The following LAMB4 variants were observed in gnomAD, a reference collection of about 807,000 sequenced individuals.
LAMB4 encodes laminin subunit beta-4.
A neutral mutation model predicts 199.2 loss-of-function variants in LAMB4; 196 were observed. That is an observed-to-expected ratio of 0.98 (90% CI 0.88 to 1.11). LAMB4 has a LOEUF of 1.11. Among genes scored for constraint, LAMB4 ranks in the 50% least tolerant of loss-of-function variants. The probability of loss-of-function intolerance (pLI) is 0.00; values close to 1 mark genes in which losing one functional copy is unlikely to be tolerated. For synonymous variants in LAMB4, 744 were observed against 770.6 expected (o/e 0.97, Z 0.57); for missense variants, 2,080 against 2,171.2 (o/e 0.96, Z 0.83).
Position 108,079,658 on chromosome 7 carries a change from A to C in LAMB4, c.1830T>G (p.Ala610=), listed in dbSNP as rs753838955. Residue 610 remains alanine (A), a synonymous_variant, in exon 15 of 34, where the codon GCT becomes GCG. Coordinates refer to ENST00000388781, the MANE Select transcript of LAMB4 (RefSeq NM_007356.3). ...CCACAGGAAAGGGAATGTTGTTGACAGCAAATCTCAAGCCAGCCCCAGGGA... is the reference window on the plus strand; with the variant it reads ...CCACAGGAAAGGGAATGTTGTTGACCGCAAATCTCAAGCCAGCCCCAGGGA... ...RVLPGAGLRF[A]VNNIPFPVDF... is the part of the protein sequence containing the mutation. 6.2e-7 allele frequency: 1 copy of C among 1,613,326 alleles called. No individual in the cohort carries two copies. Among genetic ancestry groups the C allele is most frequent in the South Asian group, 1.1e-5 (1 of 90,732 alleles).
At position 108,029,175 on chromosome 7, in the gene LAMB4, GT is replaced by G; in HGVS notation, c.5013del (p.Lys1671AsnfsTer15). 6.2e-7 allele frequency: 1 copy of G among 1,611,554 alleles called. No homozygotes were observed. The highest frequency in any genetic ancestry group is 8.5e-7 in the Non-Finnish European group (1 of 1,179,354). ...GTCTTACGTTGGAGAATAGCATATT[GT>G]TTTTTCAGCTCAACAAATTCCTGTA... ...SLEKEFVELK[K>X]QYAILQRKTS... is the part of the protein sequence containing the mutation. On this transcript the variant is annotated frameshift_variant, in exon 33 of 34. Transcript: ENST00000388781. LOFTEE classifies it high-confidence loss of function.
Position 108,050,900 on chromosome 7 carries a change from G to A in LAMB4, c.3916+1197C>T, listed in dbSNP as rs141086192. 2.9e-3 allele frequency among the ~76,000 whole-genome samples: 442 copies of A among 152,276 alleles called. 1 individual carries two copies. Among genetic ancestry groups the A allele is most frequent in the Non-Finnish European group, 4.3e-3 (291 of 68,014 alleles). On this transcript the variant is annotated intron_variant, in intron 26 of 33. Coordinates refer to ENST00000388781, the MANE Select transcript of LAMB4 (RefSeq NM_007356.3). ...TCTGTTTTTGAAGCAGCTTGAAGAT[G>A]CTCTAACAGTCTTAATGCTGTTTGC...
chr7:108,072,577 G>A (rs1159078648), intron 17 of LAMB4, among the ~76,000 whole-genome samples: 2 of 152,126 alleles, frequency 1.3e-5, no homozygotes, highest in South Asian at 2.1e-4. Context: ...GAACCACTGC[G>A]AGAGTCATGC....
At chr7:108,054,758 C>A (rs2035927118) in intron 25 of LAMB4, among the ~76,000 whole-genome samples, 2 of 152,152 alleles carry the variant, frequency 1.3e-5, no homozygotes, top group South Asian at 2.1e-4. Context: ...TCCAAGGAAA[C>A]TTTATTTACA....
chr7:108,030,929 C>T lies in LAMB4; in HGVS notation c.4869G>A (p.Gln1623=), dbSNP rs777359454. The change falls in exon 32 of 34, where the codon CAG becomes CAA. Residue 1623 remains glutamine (Q), a synonymous_variant. Coordinates refer to ENST00000388781, the MANE Select transcript of LAMB4 (RefSeq NM_007356.3). ...EMKSELELAK[Q]RSGLEDGLSL... is the part of the protein sequence containing the mutation. ...AAAGTCCATCCTCCAGCCCTGATCG[C>T]TGCTTTGCTAACTCCAGCTCACTCT... The T allele has an allele frequency of 1.2e-5, 20 of 1,614,086 alleles. No homozygotes were observed. The highest frequency in any genetic ancestry group is 1.6e-4 in the Middle Eastern group (1 of 6,062).
At position 108,104,602 on chromosome 7, in the gene LAMB4, C is replaced by T. The variant is rs1294954006; in HGVS notation, c.888G>A (p.Val296=). 4 of 1,614,042 alleles carry T rather than the reference C, an allele frequency of 2.5e-6. No homozygotes were observed. The highest frequency in any genetic ancestry group is 3.4e-6 in the Non-Finnish European group (4 of 1,180,032). The change falls in exon 9 of 34, where the codon GTG becomes GTA. Residue 296 remains valine (V), a synonymous_variant. Coordinates refer to ENST00000388781, the MANE Select transcript of LAMB4 (RefSeq NM_007356.3). ...SPPGMVHGQC[V]CQHNTDGPNC... Reference sequence around the variant, plus strand: ...TCGGACCATCTGTATTGTGCTGACACACACACTGACCGTGAACCTGCATTG... The same window carrying T: ...TCGGACCATCTGTATTGTGCTGACATACACACTGACCGTGAACCTGCATTG...
At position 108,072,025 on chromosome 7, in the gene LAMB4, C is replaced by A. The variant is rs563783622; in HGVS notation, c.2125-2140G>T. Among the ~76,000 whole-genome samples, 7 of 152,002 alleles carry A rather than the reference C, an allele frequency of 4.6e-5. No individual in the cohort carries two copies. In the South Asian group the frequency reaches 1.2e-3, roughly 27 times the overall value. On this transcript the variant is annotated intron_variant, in intron 17 of 33. Coordinates refer to ENST00000388781, the MANE Select transcript of LAMB4 (RefSeq NM_007356.3). ...TGGGAGGTACTGCCCCTCTAGGGAGCATTTTGGAAATTTGTGGAGGTGGTT... is the reference window on the plus strand; with the variant it reads ...TGGGAGGTACTGCCCCTCTAGGGAGAATTTTGGAAATTTGTGGAGGTGGTT...
downstream of LAMB4, among the ~76,000 whole-genome samples, chr7:108,020,688 A>G (rs532431712): frequency 1.1e-4 from 16 of 152,262 alleles, no homozygotes; most frequent in African/African-American, 3.6e-4. Flanking sequence ...TGGATCTGAA[A>G]CCAAAAGTGG....
chr7:108,100,980 A>G (rs1191772031), intron 10 of LAMB4, among the ~76,000 whole-genome samples: 1 of 152,192 alleles, frequency 6.6e-6, no homozygotes, highest in Non-Finnish European at 1.5e-5. Flanking sequence ...CATTTTCTAT[A>G]TTGTGATCAC....
intron 18 of LAMB4, 63 bp from the exon 19 acceptor site, chr7:108,068,222 T>C: frequency 6.4e-7 from 1 of 1,553,436 alleles, no homozygotes; most frequent in Non-Finnish European, 8.8e-7. Flanking sequence ...CCTCACCTTG[T>C]TAGTAGCTAT....
At chr7:108,100,503 T>C (rs1446936403) in intron 10 of LAMB4, among the ~76,000 whole-genome samples, 1 of 152,186 alleles carries the variant, frequency 6.6e-6, no homozygotes, top group Non-Finnish European at 1.5e-5. Context: ...TGTTACAAGC[T>C]CCTCATCTAC....
At chr7:108,027,210 T>A (rs1212847786) in intron 33 of LAMB4, among the ~76,000 whole-genome samples, 1 of 152,108 alleles carries the variant, frequency 6.6e-6, no homozygotes, top group Admixed American at 6.6e-5. Context: ...GCAGTCTCCA[T>A]CTCAGTTCAG....
At chr7:108,051,394 G>A (rs1234938492) in intron 26 of LAMB4, among the ~76,000 whole-genome samples, 2 of 151,994 alleles carry the variant, frequency 1.3e-5, no homozygotes, top group Non-Finnish European at 2.9e-5. Flanking sequence ...ATGGATTCAT[G>A]TATATTTTCC....
intron 1 of LAMB4, among the ~76,000 whole-genome samples, chr7:108,126,130 A>G (rs2038769683): frequency 6.6e-6 from 1 of 152,250 alleles, no homozygotes; most frequent in African/African-American, 2.4e-5. Flanking sequence ...ATTCTGTTAG[A>G]TCAGCAGGCC....
rs138113257 is a variant in LAMB4, at chr7:108,078,187, G to T, written c.2003+14C>A. 1 of 1,519,306 alleles carries T rather than the reference G, an allele frequency of 6.6e-7. No individual in the cohort carries two copies. Among genetic ancestry groups the T allele is most frequent in the Non-Finnish European group, 9.1e-7 (1 of 1,102,328 alleles). The allele number at this position is 1,519,306 out of a possible 1,614,324, so 94.1% of individuals were successfully genotyped here. A position where few individuals can be genotyped will look rare whatever the true frequency, so the allele number is the denominator to read the frequency against. The stretch of plus-strand genomic sequence containing the variant: ...AAGAAGCTTTCAATGTTTGAGGACC[G>T]GTCTGAAACATACCTCGTAGCCGCT... On this transcript the variant is annotated intron_variant, in intron 16 of 33. Coordinates refer to ENST00000388781, the MANE Select transcript of LAMB4 (RefSeq NM_007356.3).
chr7:108,076,845 G>A (rs954707375), intron 17 of LAMB4, 99 bp downstream of exon 17: 45 of 1,354,226 alleles, frequency 3.3e-5, no homozygotes, highest in South Asian at 6.8e-5. Flanking sequence ...GAGCAAATAC[G>A]TTTACATTTT....
intron 12 of LAMB4, among the ~76,000 whole-genome samples, chr7:108,094,873 T>C (rs540062589): frequency 1.3e-5 from 2 of 152,264 alleles, no homozygotes; most frequent in East Asian, 3.9e-4. Flanking sequence ...GGGGATTGTG[T>C]ACAAGGGATA....
chr7:108,069,650 C>T, intron 18 of LAMB4, 58 bp downstream of exon 18: 1 of 1,507,816 alleles, frequency 6.6e-7, no homozygotes, highest in Non-Finnish European at 9.0e-7. Context: ...TGATTTGCTC[C>T]AAAAAGCATT....
At chr7:108,029,397 T>C (rs1273399008) in intron 32 of LAMB4, among the ~76,000 whole-genome samples, 2 of 152,206 alleles carry the variant, frequency 1.3e-5, no homozygotes, top group African/African-American at 4.8e-5. Context: ...TCAACTTCTA[T>C]TAAAAATAAA....
Sources: gnomAD v4.1 joint callset for allele counts (sites outside exome capture counted in the v4.1 genomes callset) on GRCh38, gnomAD v4.1.1 for gene constraint, MANE v1.5 for transcripts, NCBI Gene and HGNC (gene_info 2026-07-23, HGNC 2026-07-21) for gene names.